Variants in ACOT7 observed in about 807,000 individuals in gnomAD.
ACOT7 encodes cytosolic acyl coenzyme A thioester hydrolase.
Under a neutral mutation model 40.2 loss-of-function variants are expected in ACOT7, and 12 were observed. That is an observed-to-expected ratio of 0.30 (90% CI 0.19 to 0.48). The LOEUF (loss-of-function observed/expected upper bound fraction) is 0.48, where lower values mean the gene tolerates loss of function less well. ACOT7 is among the 20% of genes least tolerant of loss of function. The pLI is 0.99. For synonymous variants in ACOT7, 228 were observed against 219.5 expected (o/e 1.04, Z -0.34); for missense variants, 395 against 530.8 (o/e 0.74, Z 2.51).
rs980526387 is a variant in ACOT7 at position 6,358,417 on chromosome 1, C to A, written c.144-8551G>T. Among the ~76,000 whole-genome samples the A allele has an allele frequency of 8.6e-5, 13 of 150,746 alleles. No individual in the cohort carries two copies. The highest frequency in any genetic ancestry group is 2.2e-4 in the African/African-American group (9 of 40,128). On this transcript the variant is annotated intron_variant, in intron 1 of 8. Coordinates refer to ENST00000361521, the MANE Select transcript of ACOT7 (RefSeq NM_007274.4). This position sits in a 1 kb window ranked among gnomAD's most constrained non-coding sequence, Gnocchi z 4.1. ...GGAGGCTCCTTGTGCAGCCCACAGA[C>A]CCCCCCTCCACCGCAGGTAGGAAGC...
At chr1:6,323,255 A>C (rs1172594631) in intron 5 of ACOT7, among the ~76,000 whole-genome samples, 2 of 152,212 alleles carry the variant, frequency 1.3e-5, no homozygotes, top group African/African-American at 2.4e-5. Flanking sequence ...TACTTGCCTA[A>C]GGCCAGACCT....
At chr1:6,283,195 G>A (rs1029393776) in intron 7 of ACOT7, among the ~76,000 whole-genome samples, 1 of 152,174 alleles carries the variant, frequency 6.6e-6, no homozygotes, top group Non-Finnish European at 1.5e-5. Flanking sequence ...ATGGAGTCTC[G>A]CTCTATTGCC....
chr1:6,303,166 C>T (rs1265510607), intron 6 of ACOT7, among the ~76,000 whole-genome samples: 1 of 152,118 alleles, frequency 6.6e-6, no homozygotes, highest in Non-Finnish European at 1.5e-5. Flanking sequence ...CAATTTCCCC[C>T]ACCGCAGGCA....
At chr1:6,310,040 C>T (rs555015310) in intron 6 of ACOT7, among the ~76,000 whole-genome samples, 2 of 152,126 alleles carry the variant, frequency 1.3e-5, no homozygotes, top group Non-Finnish European at 2.9e-5. Flanking sequence ...CTCAGGGCAC[C>T]GTTCACACGT....
At chr1:6,366,590 TAA>T (rs571854842) in intron 1 of ACOT7, among the ~76,000 whole-genome samples, 15 of 90,784 alleles carry the variant, frequency 1.7e-4, no homozygotes, top group East Asian at 3.3e-4. Context: ...CTATCTCAAA[TAA>T]AAAAAAAAAA....
intron 6 of ACOT7, among the ~76,000 whole-genome samples, chr1:6,295,825 T>A (rs1639797130): frequency 6.6e-6 from 1 of 151,562 alleles, no homozygotes; most frequent in Admixed American, 6.6e-5. Flanking sequence ...GTAGGAGTAA[T>A]GACAATGGTC....
chr1:6,356,400 C>A (rs904464616), intron 1 of ACOT7, among the ~76,000 whole-genome samples: 2 of 152,156 alleles, frequency 1.3e-5, no homozygotes, highest in South Asian at 4.2e-4. Context: ...CCCTCAGCAC[C>A]CTCAGCCCTG....
At chr1:6,279,581 G>T (rs1332809825) in intron 8 of ACOT7, among the ~76,000 whole-genome samples, 1 of 152,182 alleles carries the variant, frequency 6.6e-6, no homozygotes, top group Non-Finnish European at 1.5e-5. Flanking sequence ...CGTGCTGGGG[G>T]CACCCACCAC....
Position 6,299,640 on chromosome 1 carries a change from CAGAG to C in ACOT7, c.713-4664_713-4661del, listed in dbSNP as rs57181755. On this transcript the variant is annotated intron_variant, in intron 6 of 8. Coordinates refer to ENST00000361521, the MANE Select transcript of ACOT7 (RefSeq NM_007274.4). This position sits in a 1 kb window ranked among gnomAD's most constrained non-coding sequence, Gnocchi z 4.1. ...CTGACTAGGTACTAGGTCATGGCTTCAGAGAGAGAGAGAGAGAGAGCGCAAGTGT... is the reference window on the plus strand; with the variant it reads ...CTGACTAGGTACTAGGTCATGGCTTCAGAGAGAGAGAGAGAGCGCAAGTGT... 3.3e-3 allele frequency among the ~76,000 whole-genome samples: 495 copies of C among 148,322 alleles called. No individual in the cohort carries two copies. The highest frequency in any genetic ancestry group is 0.011 in the African/African-American group (462 of 40,740).
At chr1:6,296,229 A>G (rs1005132522) in intron 6 of ACOT7, among the ~76,000 whole-genome samples, 2 of 152,088 alleles carry the variant, frequency 1.3e-5, no homozygotes, top group African/African-American at 4.8e-5. Flanking sequence ...TGGTATGTGG[A>G]TCATCGTCAG....
rs1338877592 is a variant in ACOT7, at chr1:6,289,267, T to C, written c.829+5597A>G. 1.3e-5 allele frequency among the ~76,000 whole-genome samples: 2 copies of C among 151,984 alleles called. No homozygotes were observed. The highest frequency in any genetic ancestry group is 1.3e-4 in the Admixed American group (2 of 15,272). On this transcript the variant is annotated intron_variant, in intron 7 of 8. Transcript: ENST00000361521. This position sits in a 1 kb window ranked among gnomAD's most constrained non-coding sequence, Gnocchi z 4.6. ...GGCGCCTGCCCCCACGCCCGGCTAATTTTTGTATTTTTAGTAGAGACGGGG... is the reference window on the plus strand; with the variant it reads ...GGCGCCTGCCCCCACGCCCGGCTAACTTTTGTATTTTTAGTAGAGACGGGG...
intron 1 of ACOT7, among the ~76,000 whole-genome samples, chr1:6,381,978 CA>C (rs1317263242): frequency 4.1e-5 from 6 of 146,992 alleles, no homozygotes; most frequent in South Asian, 2.1e-4. Flanking sequence ...ACTAAAAATA[CA>C]AAAAAAAAAT....
chr1:6,284,982 C>T (rs1014299502), intron 7 of ACOT7, among the ~76,000 whole-genome samples: 3 of 152,240 alleles, frequency 2.0e-5, no homozygotes, highest in Non-Finnish European at 4.4e-5. Context: ...ACCACACCCC[C>T]TCTAGAACTG....
At chr1:6,273,787 C>T (rs1006361629) in intron 8 of ACOT7, among the ~76,000 whole-genome samples, 7 of 152,284 alleles carry the variant, frequency 4.6e-5, no homozygotes, top group African/African-American at 1.2e-4. Context: ...AGGCTGCGCG[C>T]GGCCACCACA....
At chr1:6,374,274 C>G (rs1011527898) in intron 1 of ACOT7, among the ~76,000 whole-genome samples, 2 of 152,216 alleles carry the variant, frequency 1.3e-5, no homozygotes, top group Non-Finnish European at 2.9e-5. Context: ...TAGGGAGTCA[C>G]TAAGACTAAG....
chr1:6,393,313 TGCGGCGGCGGATGCGGCGG>T lies in ACOT7; in HGVS notation c.68_86del (p.Pro23GlnfsTer39). On this transcript the variant is annotated frameshift_variant, in exon 1 of 9. Coordinates refer to ENST00000361521, the MANE Select transcript of ACOT7 (RefSeq NM_007274.4). LOFTEE classifies it high-confidence loss of function. ...CGTCTGGGCCCGACATGCTGGGGGC[TGCGGCGGCGGATGCGGCGG>T]GCGGCTGCAGAAGGGCGCAGGTGTC... The T allele has an allele frequency of 7.8e-7, 1 of 1,280,328 alleles. No homozygotes were observed. The allele number at this position is 1,280,328 out of a possible 1,614,324, so 79.3% of individuals were successfully genotyped here. A position where few individuals can be genotyped will look rare whatever the true frequency, so the allele number is the denominator to read the frequency against.
chr1:6,385,909 A>G (rs1642433059), intron 1 of ACOT7: 2 of 1,180,144 alleles, frequency 1.7e-6, no homozygotes, highest in Non-Finnish European at 2.3e-6. Flanking sequence ...CAAGGAATCC[A>G]TGACTCGGCC....
chr1:6,304,193 A>G (rs1385203064), intron 6 of ACOT7, among the ~76,000 whole-genome samples: 2 of 152,006 alleles, frequency 1.3e-5, no homozygotes, highest in East Asian at 3.9e-4. Flanking sequence ...AGTCCAGGGG[A>G]CGCTCCTTTT....
At chr1:6,323,728 AAAAAAAAAAATATATAT>A in intron 5 of ACOT7, among the ~76,000 whole-genome samples, 1 of 95,868 alleles carries the variant, frequency 1.0e-5, no homozygotes, top group Non-Finnish European at 2.0e-5. Context: ...AAAAAAAAAA[AAAAAAAAAAATATATAT>A]ATATATATAT....
Sources: gnomAD v4.1 joint callset for allele counts (sites outside exome capture counted in the v4.1 genomes callset) on GRCh38, gnomAD v4.1.1 for gene constraint, Gnocchi (gnomAD v3.1) non-coding constraint, MANE v1.5 for transcripts, NCBI Gene and HGNC (gene_info 2026-07-23, HGNC 2026-07-21) for gene names.